The following MYRIP variants were observed in gnomAD, a reference collection of about 807,000 sequenced individuals.
MYRIP encodes the protein rab effector MyRIP.
MYRIP carries 49 observed loss-of-function variants against 98.0 expected under a neutral mutation model. The observed-to-expected ratio is 0.50, with a 90% CI of 0.40 to 0.63. The LOEUF (loss-of-function observed/expected upper bound fraction) is 0.63, where lower values mean the gene tolerates loss of function less well. Ranked by LOEUF, MYRIP falls within the 30% of genes least tolerant of loss-of-function variation. MYRIP has a pLI of 0.00. For missense variants in MYRIP, 1,004 were observed against 1,058.2 expected, an observed-to-expected ratio of 0.95 and a Z score of 0.71; for synonymous variants, 404 against 409.5, an observed-to-expected ratio of 0.99 and a Z score of 0.16.
At chr3:40,094,685 G>T (rs930461491) in intron 3 of MYRIP, among the ~76,000 whole-genome samples, 2 of 152,110 alleles carry the variant, frequency 1.3e-5, no homozygotes, top group Non-Finnish European at 2.9e-5. Context: ...AGGCCTCTAT[G>T]GATTACCAGT....
intron 4 of MYRIP, among the ~76,000 whole-genome samples, chr3:40,162,048 G>T (rs956816900): frequency 6.6e-6 from 1 of 152,042 alleles, no homozygotes; most frequent in Non-Finnish European, 1.5e-5. Context: ...TGGTCTCTGT[G>T]CAAGCTGCTT....
At chr3:39,976,452 CT>C in intron 2 of MYRIP, among the ~76,000 whole-genome samples, 1 of 152,102 alleles carries the variant, frequency 6.6e-6, no homozygotes, top group Non-Finnish European at 1.5e-5. Flanking sequence ...TGGTGGGACT[CT>C]AACCTAGTTC....
intron 2 of MYRIP, among the ~76,000 whole-genome samples, chr3:39,938,281 C>T (rs1944701338): frequency 1.3e-5 from 2 of 151,892 alleles, no homozygotes; most frequent in South Asian, 4.2e-4. Context: ...GTCTGGTTTC[C>T]TTTGTTCAGT....
At chr3:40,195,305 G>A (rs367804543) in intron 10 of MYRIP, among the ~76,000 whole-genome samples, 8 of 151,884 alleles carry the variant, frequency 5.3e-5, no homozygotes, top group South Asian at 4.1e-4. Flanking sequence ...TTCATTTTAC[G>A]TTATTTTTGA....
intron 1 of MYRIP, among the ~76,000 whole-genome samples, chr3:39,889,872 A>G (rs879429690): frequency 6.6e-6 from 1 of 152,042 alleles, no homozygotes; most frequent in Non-Finnish European, 1.5e-5. Context: ...TATTACCTTT[A>G]TGGTTTCATT....
At position 40,130,876 on chromosome 3, in the gene MYRIP, G is replaced by A. The variant is rs181660518; in HGVS notation, c.333-20172G>A. On this transcript the variant is annotated intron_variant, in intron 3 of 16. Coordinates refer to ENST00000302541, the MANE Select transcript of MYRIP (RefSeq NM_015460.4). ...TCTTCCTATATTCCTATCCTGGCTAGTTATATGACCATCACAACCCACTCA... is the reference window on the plus strand; with the variant it reads ...TCTTCCTATATTCCTATCCTGGCTAATTATATGACCATCACAACCCACTCA... Among the ~76,000 whole-genome samples the A allele has an allele frequency of 9.1e-4, 138 of 152,112 alleles. 1 individual carries two copies. Among genetic ancestry groups the A allele is most frequent in the African/African-American group, 3.3e-3 (135 of 41,480 alleles).
At chr3:39,989,000 G>A (rs1019551431) in intron 2 of MYRIP, among the ~76,000 whole-genome samples, 1 of 151,900 alleles carries the variant, frequency 6.6e-6, no homozygotes, top group African/African-American at 2.4e-5. Flanking sequence ...CCCCCCTTCT[G>A]AAGCCTATTT....
chr3:39,968,646 C>G (rs907732028), intron 2 of MYRIP, among the ~76,000 whole-genome samples: 33 of 151,878 alleles, frequency 2.2e-4, no homozygotes. Flanking sequence ...GGTGTACAGA[C>G]TTATTTCTGG....
At chr3:40,189,458 G>T (rs1466748505) in intron 9 of MYRIP, among the ~76,000 whole-genome samples, 1 of 152,174 alleles carries the variant, frequency 6.6e-6, no homozygotes, top group Non-Finnish European at 1.5e-5. Flanking sequence ...GTAGCCCAAG[G>T]TCAAAGAGCC....
At chr3:40,132,427 T>TA (rs1949663776) in intron 3 of MYRIP, among the ~76,000 whole-genome samples, 6 of 71,852 alleles carry the variant, frequency 8.4e-5, no homozygotes, top group African/African-American at 2.4e-4. Context: ...CCTGCCCACC[T>TA]GAGCTCCTAA....
intron 1 of MYRIP, chr3:39,810,614 C>T (rs1940646222): frequency 1.3e-5 from 2 of 152,254 alleles, no homozygotes; most frequent in South Asian, 2.1e-4. Context: ...TCCTGATGGA[C>T]GCGTGGAGCG....
intron 4 of MYRIP, among the ~76,000 whole-genome samples, chr3:40,153,552 T>A (rs7644914): frequency 6.6e-6 from 1 of 152,084 alleles, no homozygotes; most frequent in Non-Finnish European, 1.5e-5. Flanking sequence ...CATTAATTAC[T>A]GCTGAATTTT....
chr3:40,174,014 T>C (rs1950689333), intron 8 of MYRIP: 1 of 152,248 alleles, frequency 6.6e-6, no homozygotes, highest in Non-Finnish European at 1.5e-5. Flanking sequence ...ATGTAACATA[T>C]GTTTTGAATT....
At chr3:40,044,437 A>G (rs1947624555) in intron 3 of MYRIP, among the ~76,000 whole-genome samples, 166 bp downstream of exon 3, 1 of 152,160 alleles carries the variant, frequency 6.6e-6, no homozygotes, top group African/African-American at 2.4e-5. Flanking sequence ...AAACCTGTTG[A>G]TCTTTATAGG....
chr3:40,019,735 T>G (rs368697859), intron 2 of MYRIP, among the ~76,000 whole-genome samples: 2 of 149,200 alleles, frequency 1.3e-5, no homozygotes, highest in East Asian at 4.1e-4. Context: ...CTTTTTTTTG[T>G]TAGACAACAC....
In MYRIP at chr3:39,951,027, T is replaced by C. The variant is rs553488935; in HGVS notation, c.110+50101T>C. The stretch of plus-strand genomic sequence containing the variant: ...AGTGATAAACTCAGTTAATATATTT[T>C]GGAAACTCTGACTGAGAAACAGTGG... On this transcript the variant is annotated intron_variant, in intron 2 of 16. Coordinates refer to ENST00000302541, the MANE Select transcript of MYRIP (RefSeq NM_015460.4). Among the ~76,000 whole-genome samples the C allele has an allele frequency of 1.1e-3, 173 of 152,330 alleles. 1 individual carries two copies. Among genetic ancestry groups the C allele is most frequent in the African/African-American group, 3.9e-3 (163 of 41,586 alleles).
chr3:39,985,494 C>T lies in MYRIP; in HGVS notation c.111-58556C>T, dbSNP rs575238451. On this transcript the variant is annotated intron_variant, in intron 2 of 16. Transcript: ENST00000302541. ...TATGGAACCAAAAAAGAGCCCGCAT[C>T]GCCAAGTCAATCCTAAGCCAAAAGA... 6.3e-3 allele frequency among the ~76,000 whole-genome samples: 799 copies of T among 127,750 alleles called. 5 individuals carry two copies. The highest frequency in any genetic ancestry group is 0.018 in the African/African-American group (574 of 31,298). The allele number at this position is 127,750 out of a possible 152,430, so 83.8% of individuals were successfully genotyped here. A position where few individuals can be genotyped will look rare whatever the true frequency, so the allele number is the denominator to read the frequency against.
At chr3:39,928,003 C>T (rs1944455952) in intron 2 of MYRIP, among the ~76,000 whole-genome samples, 1 of 151,926 alleles carries the variant, frequency 6.6e-6, no homozygotes, top group South Asian at 2.1e-4. Flanking sequence ...GAAACACCCT[C>T]AACAAACTAG....
At chr3:39,877,875 C>G (rs527939242) in intron 1 of MYRIP, among the ~76,000 whole-genome samples, 3,234 of 152,296 alleles carry the variant, frequency 0.021, 69 homozygotes, top group African/African-American at 0.072. Context: ...CTCTTCAAAG[C>G]TGTCAGACAG....
Sources: gnomAD v4.1 joint callset for allele counts (sites outside exome capture counted in the v4.1 genomes callset) on GRCh38, gnomAD v4.1.1 for gene constraint, MANE v1.5 for transcripts, NCBI Gene and HGNC (gene_info 2026-07-23, HGNC 2026-07-21) for gene names.